The following SHOC1 variants were observed in gnomAD, a reference collection of about 807,000 sequenced individuals.
SHOC1 encodes the protein protein shortage in chiasmata 1 ortholog.
Under a neutral mutation model 179.2 loss-of-function variants are expected in SHOC1, and 136 were observed. The ratio of observed to expected loss-of-function variants is 0.76; its 90% confidence interval spans 0.66 to 0.87. The LOEUF is 0.87. SHOC1 is among the 40% of genes least tolerant of loss of function. The probability of loss-of-function intolerance (pLI) is 0.00; values close to 1 mark genes in which losing one functional copy is unlikely to be tolerated. For missense variants in SHOC1, 1,538 were observed against 1,700.8 expected (o/e 0.90, Z 1.68); for synonymous variants, 489 against 586.6 (o/e 0.83, Z 2.41).
intron 5 of SHOC1, among the ~76,000 whole-genome samples, chr9:111,773,949 C>A (rs984936505): frequency 6.6e-6 from 1 of 151,852 alleles, no homozygotes; most frequent in Admixed American, 6.6e-5. Flanking sequence ...AATATAATTG[C>A]AAAGAAAATA....
At chr9:111,730,971 T>G (rs1379240455) in intron 12 of SHOC1, among the ~76,000 whole-genome samples, 1 of 152,236 alleles carries the variant, frequency 6.6e-6, no homozygotes, top group Non-Finnish European at 1.5e-5. Context: ...CATTTGCACT[T>G]GTTGCTTCAC....
At chr9:111,766,539 T>G (rs1312071409) in intron 5 of SHOC1, among the ~76,000 whole-genome samples, 2 of 152,172 alleles carry the variant, frequency 1.3e-5, no homozygotes, top group Non-Finnish European at 2.9e-5. Context: ...ACATCCTTGC[T>G]GGCATCTGTT....
intron 3 of SHOC1, among the ~76,000 whole-genome samples, chr9:111,782,900 T>C (rs890914533): frequency 2.6e-5 from 4 of 152,150 alleles, no homozygotes; most frequent in African/African-American, 9.7e-5. Flanking sequence ...CACCACCAAT[T>C]CTACCAACTT....
At chr9:111,766,619 T>G (rs1290734722) in intron 5 of SHOC1, among the ~76,000 whole-genome samples, 1 of 152,148 alleles carries the variant, frequency 6.6e-6, no homozygotes, top group Non-Finnish European at 1.5e-5. Context: ...TTTTTGGTTT[T>G]TTTGTTTTTG....
intron 22 of SHOC1, 48 bp downstream of exon 22, chr9:111,703,833 C>T (rs1832104394): frequency 1.2e-6 from 1 of 868,704 alleles, no homozygotes; most frequent in South Asian, 1.7e-5. Flanking sequence ...ATTACATAGC[C>T]ATATATTTTA....
At chr9:111,710,132 A>G (rs965008820) in intron 18 of SHOC1, among the ~76,000 whole-genome samples, 2 of 152,208 alleles carry the variant, frequency 1.3e-5, no homozygotes, top group African/African-American at 4.8e-5. Flanking sequence ...CCCTGATTAC[A>G]GACAACTGTG....
intron 5 of SHOC1, among the ~76,000 whole-genome samples, chr9:111,769,425 C>G (rs1313582137): frequency 6.6e-6 from 1 of 152,086 alleles, no homozygotes; most frequent in African/African-American, 2.4e-5. Context: ...TGGCTTCAAT[C>G]TTATTACTCA....
chr9:111,723,797 G>A lies in SHOC1; in HGVS notation c.1949C>T (p.Ala650Val), dbSNP rs539661835. 3.1e-6 allele frequency: 5 copies of A among 1,610,790 alleles called. No individual in the cohort carries two copies. The highest frequency in any genetic ancestry group is 3.4e-5 in the Admixed American group (2 of 59,488). ...TTTAAAAGCATATAACATACCTGAC[G>A]CTTGAATTTCAATGACACTATCTGT... Reference protein sequence around the residue: ...RGTDSVIEIQASDSQCQAFCL... With the variant: ...RGTDSVIEIQVSDSQCQAFCL... Residue 650 changes from alanine (A) to valine (V), a missense_variant, in exon 14 of 28, where the codon GCG (alanine) becomes GTG (valine). Coordinates refer to ENST00000682961, the MANE Select transcript of SHOC1 (RefSeq NM_001378211.1).
intron 9 of SHOC1, among the ~76,000 whole-genome samples, chr9:111,747,827 C>T (rs185154426): frequency 3.3e-5 from 5 of 152,174 alleles, no homozygotes; most frequent in Non-Finnish European, 5.9e-5. Flanking sequence ...TTAAGTGATC[C>T]GCCCACCTCA....
At chr9:111,721,984 T>G (rs1385798983) in intron 15 of SHOC1, among the ~76,000 whole-genome samples, 2 of 152,236 alleles carry the variant, frequency 1.3e-5, no homozygotes, top group African/African-American at 4.8e-5. Flanking sequence ...ATTTTATCTT[T>G]GTCTTTTTTG....
chr9:111,763,811 A>G (rs1835242000), intron 5 of SHOC1, among the ~76,000 whole-genome samples: 1 of 152,180 alleles, frequency 6.6e-6, no homozygotes, highest in Admixed American at 6.5e-5. Flanking sequence ...AAAATCCCCA[A>G]AGATAAAACT....
intron 13 of SHOC1, among the ~76,000 whole-genome samples, chr9:111,726,963 A>T (rs1337583): frequency 6.6e-6 from 1 of 152,028 alleles, no homozygotes; most frequent in East Asian, 1.9e-4. Flanking sequence ...AGTTTCCAAT[A>T]TCCCTAGTCA....
Position 111,748,123 on chromosome 9 carries a change from G to A in SHOC1, c.939C>T (p.Ser313=), listed in dbSNP as rs745333766. The A allele has an allele frequency of 3.7e-6, 6 of 1,613,274 alleles. No homozygotes were observed. The highest frequency in any genetic ancestry group is 5.1e-6 in the Non-Finnish European group (6 of 1,179,616). Residue 313 remains serine, a synonymous_variant, in exon 9 of 28, where the codon AGC becomes AGT. Coordinates refer to ENST00000682961, the MANE Select transcript of SHOC1 (RefSeq NM_001378211.1). The stretch of plus-strand genomic sequence containing the variant: ...TACTGCACTCTTCTGGTTCACTCTG[G>A]CTTTGAATGGTCAAAATCTCTGTGG... The part of the protein sequence containing the change: ...FSSTEILTIQ[S]QSEPEECSKP...
At chr9:111,697,399 T>C (rs528526833) in intron 24 of SHOC1, among the ~76,000 whole-genome samples, 1 of 152,224 alleles carries the variant, frequency 6.6e-6, no homozygotes, top group East Asian at 1.9e-4. Context: ...TGTCCAAGTG[T>C]TCTCATTGTT....
rs189928358 is a variant in SHOC1 at position 111,735,586 on chromosome 9, T to C, written c.1417+2694A>G. Among the ~76,000 whole-genome samples the C allele has an allele frequency of 5.7e-4, 87 of 152,324 alleles. 1 individual carries two copies. The highest frequency in any genetic ancestry group is 1.1e-3 in the African/African-American group (44 of 41,570). ...CACATTTTCTTTATCCAGTCTATCA[T>C]TGATGGGCATTTGGGTTGGTTCCAA... On this transcript the variant is annotated intron_variant, in intron 12 of 27. Coordinates refer to ENST00000682961, the MANE Select transcript of SHOC1 (RefSeq NM_001378211.1).
intron 8 of SHOC1, among the ~76,000 whole-genome samples, chr9:111,750,481 C>T (rs1834526584): frequency 6.6e-6 from 1 of 152,140 alleles, no homozygotes; most frequent in Admixed American, 6.5e-5. Flanking sequence ...ACTACAGGCA[C>T]TTACAACCAT....
intron 11 of SHOC1, among the ~76,000 whole-genome samples, chr9:111,741,204 A>G (rs1834023551): frequency 6.6e-6 from 1 of 151,974 alleles, no homozygotes; most frequent in African/African-American, 2.4e-5. Flanking sequence ...CTTGTATGGG[A>G]CAGTTTTATG....
chr9:111,780,481 T>C (rs823638), intron 4 of SHOC1, among the ~76,000 whole-genome samples: 122,467 of 152,076 alleles, frequency 0.81, 49,486 homozygotes, highest in East Asian at 0.92. Context: ...AACTCTATTC[T>C]TTGTTTTCTT....
At chr9:111,784,305 C>T (rs898512531) in intron 3 of SHOC1, among the ~76,000 whole-genome samples, 1 of 152,152 alleles carries the variant, frequency 6.6e-6, no homozygotes, top group Non-Finnish European at 1.5e-5. Context: ...TGTCATCTAC[C>T]TGGTTTCTCA....
Sources: allele counts gnomAD v4.1 joint callset (sites outside exome capture counted in the v4.1 genomes callset), GRCh38; gene constraint gnomAD v4.1.1; transcripts MANE v1.5; gene names NCBI Gene and HGNC (gene_info 2026-07-23, HGNC 2026-07-21).